Variants in DCDC2 observed in about 807,000 individuals in gnomAD.
DCDC2 encodes doublecortin domain containing 2, also known as doublecortin domain-containing protein 2.
In DCDC2, 40 loss-of-function variants were observed where a neutral mutation model predicts 50.2. The observed-to-expected ratio is 0.80, with a 90% CI of 0.62 to 1.04. The LOEUF (loss-of-function observed/expected upper bound fraction) is 1.04, where lower values mean the gene tolerates loss of function less well. Among genes scored for constraint, DCDC2 ranks in the 50% least tolerant of loss-of-function variants. The probability of loss-of-function intolerance (pLI) is 0.00; values close to 1 mark genes in which losing one functional copy is unlikely to be tolerated. For synonymous variants in DCDC2, 234 were observed against 210.6 expected (o/e 1.11, Z -0.96); for missense variants, 570 against 581.9 (o/e 0.98, Z 0.21).
At chr6:24,302,107 G>C (rs758366700) in intron 2 of DCDC2, 63 bp from the exon 3 acceptor site, 1 of 1,432,628 alleles carries the variant, frequency 7.0e-7, no homozygotes, top group African/African-American at 1.4e-5. Flanking sequence ...TTTTTCCTAT[G>C]AGGAAAATCT....
intron 7 of DCDC2, among the ~76,000 whole-genome samples, chr6:24,245,768 G>A (rs1319492295): frequency 6.6e-6 from 1 of 152,148 alleles, no homozygotes; most frequent in African/African-American, 2.4e-5. Flanking sequence ...GCATCAAAAT[G>A]ATTAGAGAGA....
In DCDC2 at chr6:24,204,925, T is replaced by C. The variant is rs1403905734; in HGVS notation, c.1023+77A>G. Reference sequence around the variant, plus strand: ...TAATTCATACAGGTATAGGAACAATTTGTAGGAGATAACACAAAACTTGGA... The same window carrying C: ...TAATTCATACAGGTATAGGAACAATCTGTAGGAGATAACACAAAACTTGGA... On this transcript the variant is annotated intron_variant, in intron 8 of 9. Coordinates refer to ENST00000378454, the MANE Select transcript of DCDC2 (RefSeq NM_016356.5). The C allele has an allele frequency of 8.1e-6, 11 of 1,361,406 alleles. No homozygotes were observed. The East Asian group carries it at 2.1e-4, about 26-fold the overall frequency. 84.3% of individuals were successfully genotyped at this position (1,361,406 alleles called of 1,614,324 possible).
Position 24,357,972 on chromosome 6 carries a change from C to A in DCDC2, c.-222G>T. 6.8e-7 allele frequency: 1 copy of A among 1,470,996 alleles called. No individual in the cohort carries two copies. The highest frequency in any genetic ancestry group is 2.4e-5 in the East Asian group (1 of 41,996). 91.1% of individuals were successfully genotyped at this position (1,470,996 alleles called of 1,614,324 possible). On this transcript the variant is annotated 5_prime_UTR_variant, in exon 1 of 10. Transcript: ENST00000378454. ...TCGGAGTAGACGCTCAAGTTTTTCA[C>A]CGTGGCGTGCACAGCCAATCAGGAC...
At chr6:24,265,920 C>CA (rs1209524347) in intron 7 of DCDC2, among the ~76,000 whole-genome samples, 1 of 148,436 alleles carries the variant, frequency 6.7e-6, no homozygotes, top group Admixed American at 6.7e-5. Context: ...GAAATTGAAA[C>CA]AAAAAATACA....
intron 7 of DCDC2, among the ~76,000 whole-genome samples, chr6:24,212,281 A>G (rs1023214904): frequency 3.3e-5 from 5 of 152,284 alleles, no homozygotes; most frequent in Admixed American, 3.3e-4. Flanking sequence ...TCTGGAAAGA[A>G]CATCTGCAGT....
intron 7 of DCDC2, among the ~76,000 whole-genome samples, chr6:24,248,022 G>A (rs1293075108): frequency 6.6e-6 from 1 of 152,168 alleles, no homozygotes; most frequent in African/African-American, 2.4e-5. Flanking sequence ...GTTGCAGTGA[G>A]CCAAGATTGC....
At chr6:24,375,953 A>T in the DCDC2 span, among the ~76,000 whole-genome samples, 1 of 152,180 alleles carries the variant, frequency 6.6e-6, no homozygotes, top group African/African-American at 2.4e-5. Flanking sequence ...ATTCACAGAT[A>T]TATGAGCATG....
upstream of DCDC2, among the ~76,000 whole-genome samples, chr6:24,358,912 T>TG (rs1561788521): frequency 3.8e-5 from 1 of 26,562 alleles, no homozygotes; most frequent in African/African-American, 2.8e-4. Flanking sequence ...ATATTATATA[T>TG]TATATATATT....
At chr6:24,198,478 T>C (rs1207145118) in intron 8 of DCDC2, among the ~76,000 whole-genome samples, 1 of 152,202 alleles carries the variant, frequency 6.6e-6, no homozygotes, top group East Asian at 1.9e-4. Flanking sequence ...CCAGCCCGGA[T>C]GCTACATTTT....
At chr6:24,337,399 C>T (rs1760076107) in intron 2 of DCDC2, among the ~76,000 whole-genome samples, 1 of 151,740 alleles carries the variant, frequency 6.6e-6, no homozygotes, top group Non-Finnish European at 1.5e-5. Flanking sequence ...ATATCCTGTC[C>T]TATAGGGAAT....
At chr6:24,215,259 T>C (rs953583566) in intron 7 of DCDC2, among the ~76,000 whole-genome samples, 6 of 152,112 alleles carry the variant, frequency 3.9e-5, no homozygotes, top group African/African-American at 1.4e-4. Context: ...GCATTGCAGG[T>C]TGTATTCCAA....
intron 8 of DCDC2, among the ~76,000 whole-genome samples, chr6:24,190,534 T>C (rs1761292280): frequency 1.3e-5 from 2 of 152,246 alleles, no homozygotes; most frequent in South Asian, 4.1e-4. Context: ...ATAATAAAAA[T>C]ATATTTAAAA....
Position 24,178,318 on chromosome 6 carries a change from C to A in DCDC2, c.1326+12G>T. ...ATGCATTCACATAAGCAAGCAAAAG[C>A]AATAGAAATACCTCATCTTGTCCAC... On this transcript the variant is annotated intron_variant, in intron 9 of 9. Coordinates refer to ENST00000378454, the MANE Select transcript of DCDC2 (RefSeq NM_016356.5). 8 of 1,608,900 alleles carry A rather than the reference C, an allele frequency of 5.0e-6. No individual in the cohort carries two copies. The highest frequency in any genetic ancestry group is 6.8e-6 in the Non-Finnish European group (8 of 1,176,954).
rs1760811684 is a variant in DCDC2 at position 24,172,786 on chromosome 6, G to C, written c.*1944C>G. ...AGGCGGGCGGATCACCTGAGGTCAG[G>C]AGTTTGAGACCAGCCTGGCCAACAT... On this transcript the variant is annotated 3_prime_UTR_variant, in exon 10 of 10. Transcript: ENST00000378454. The C allele has an allele frequency of 6.6e-6, 1 of 151,992 alleles. No homozygotes were observed. The highest frequency in any genetic ancestry group is 1.5e-5 in the Non-Finnish European group (1 of 68,008). The allele number at this position is 151,992 out of a possible 1,614,324, so 9.4% of individuals were successfully genotyped here.
At chr6:24,272,181 T>C (rs1763253411) in intron 7 of DCDC2, among the ~76,000 whole-genome samples, 1 of 152,242 alleles carries the variant, frequency 6.6e-6, no homozygotes. Flanking sequence ...AGTCTCTCAG[T>C]ACTAAAGTAG....
chr6:24,187,750 T>C (rs1256601198), intron 8 of DCDC2, among the ~76,000 whole-genome samples: 3 of 152,162 alleles, frequency 2.0e-5, no homozygotes, highest in Non-Finnish European at 4.4e-5. Context: ...GTCAGCCTCA[T>C]ATGTGCCTTC....
At chr6:24,327,390 C>T (rs1759888402) in intron 2 of DCDC2, among the ~76,000 whole-genome samples, 1 of 149,428 alleles carries the variant, frequency 6.7e-6, no homozygotes, top group Admixed American at 6.7e-5. Context: ...AATGTGTCTG[C>T]ATTTCATATA....
At chr6:24,262,012 T>TA (rs1182062466) in intron 7 of DCDC2, among the ~76,000 whole-genome samples, 1 of 151,730 alleles carries the variant, frequency 6.6e-6, no homozygotes, top group Non-Finnish European at 1.5e-5. Context: ...AGCCCCTTCA[T>TA]AAAAAACAAA....
intron 8 of DCDC2, 28 bp from the exon 9 acceptor site, chr6:24,178,660 A>C (rs1344063798): frequency 4.4e-6 from 7 of 1,592,122 alleles, no homozygotes; most frequent in Non-Finnish European, 6.0e-6. Flanking sequence ...ATAATGGATA[A>C]AAGTAAGAAG....
Sources: gnomAD v4.1 joint callset for allele counts (sites outside exome capture counted in the v4.1 genomes callset) on GRCh38, gnomAD v4.1.1 for gene constraint, MANE v1.5 for transcripts, NCBI Gene and HGNC (gene_info 2026-07-23, HGNC 2026-07-21) for gene names.